The following KMT2C variants were observed in gnomAD, a reference collection of about 807,000 sequenced individuals.
The protein encoded by KMT2C is histone-lysine N-methyltransferase 2C.
KMT2C carries 88 observed loss-of-function variants against 507.9 expected under a neutral mutation model. The observed-to-expected ratio is 0.17, with a 90% CI of 0.15 to 0.21. The LOEUF is 0.21. KMT2C is among the 10% of genes least tolerant of loss of function. The pLI is 1.00. For missense variants in KMT2C, 4,954 were observed against 5,957.8 expected, an observed-to-expected ratio of 0.83 and a Z score of 5.55; for synonymous variants, 2,049 against 2,080.8, an observed-to-expected ratio of 0.98 and a Z score of 0.42.
intron 1 of KMT2C, chr7:152,368,180 G>C (rs2097262815): frequency 2.2e-6 from 2 of 899,136 alleles, no homozygotes. Context: ...GTTGAAAATG[G>C]TGAACATTGT....
rs2129104497 is a variant in KMT2C at position 152,163,474 on chromosome 7, C to T, written c.10103G>A (p.Gly3368Glu). The change falls in exon 43 of 59, where the codon GGG (glycine) becomes GAG (glutamate). Residue 3368 changes from glycine (G) to glutamate (E), a missense_variant. Transcript: ENST00000262189. Reference protein sequence around the residue: ...LPIKTCTPAPGTVSNANPQSG... With the variant: ...LPIKTCTPAPETVSNANPQSG... Reference sequence around the variant, plus strand: ...CTGTGGATTTGCATTTGAGACTGTCCCTGGGGCTGGTGTACAAGTTTTTAT... The same window carrying T: ...CTGTGGATTTGCATTTGAGACTGTCTCTGGGGCTGGTGTACAAGTTTTTAT... 6.2e-7 allele frequency: 1 copy of T among 1,614,090 alleles called. No homozygotes were observed.
intron 6 of KMT2C, among the ~76,000 whole-genome samples, chr7:152,301,675 G>A (rs2096570172): frequency 6.6e-6 from 1 of 152,088 alleles, no homozygotes; most frequent in African/African-American, 2.4e-5. Context: ...CAACTGAGAT[G>A]CTATCTCTTA....
At chr7:152,364,700 TC>T (rs2097224930) in intron 1 of KMT2C, among the ~76,000 whole-genome samples, 1 of 151,146 alleles carries the variant, frequency 6.6e-6, no homozygotes, top group Non-Finnish European at 1.5e-5. Flanking sequence ...AAGATCATTA[TC>T]CCTAAAGACA....
At chr7:152,210,062 G>C (rs2094418053) in intron 23 of KMT2C, among the ~76,000 whole-genome samples, 1 of 152,096 alleles carries the variant, frequency 6.6e-6, no homozygotes, top group South Asian at 2.1e-4. Flanking sequence ...CTGAAAATAG[G>C]ACCAAGAAAA....
chr7:152,166,747 G>T (rs1009320298), intron 42 of KMT2C, among the ~76,000 whole-genome samples: 5 of 151,944 alleles, frequency 3.3e-5, no homozygotes, highest in African/African-American at 4.8e-5. Context: ...ACTAAACCCA[G>T]TATCTCCCCA....
chr7:152,212,158 T>C (rs187369895), intron 23 of KMT2C, among the ~76,000 whole-genome samples: 1 of 152,176 alleles, frequency 6.6e-6, no homozygotes, highest in Non-Finnish European at 1.5e-5. Context: ...CTCCCATATA[T>C]ACATACTTGT....
rs534592021 is a variant in KMT2C at position 152,252,652 on chromosome 7, T to C, written c.1363A>G (p.Ile455Val). ...SSSQWHHNCL[I>V]CDNCYQQQDN... Reference sequence around the variant, plus strand: ...TGCTGTTGGTAACAATTGTCACATATCAGGCAATTGTGGTGCCACTGAGAA... The same window carrying C: ...TGCTGTTGGTAACAATTGTCACATACCAGGCAATTGTGGTGCCACTGAGAA... Residue 455 changes from isoleucine (I) to valine (V), a missense_variant, in exon 10 of 59, where the codon ATA (isoleucine) becomes GTA (valine). Physicochemically the swap from Ile to Val is conservative, Grantham distance 29 (BLOSUM62 3). This residue lies in a region of KMT2C where 376 missense variants were observed against 352.4 expected (regional missense o/e 1.07). Coordinates refer to ENST00000262189, the MANE Select transcript of KMT2C (RefSeq NM_170606.3). 188 of 1,613,534 alleles carry C rather than the reference T, an allele frequency of 1.2e-4. 2 individuals carry two copies. In the South Asian group the frequency reaches 1.8e-3, roughly 16 times the overall value.
chr7:152,250,821 A>C, intron 12 of KMT2C, 32 bp downstream of exon 12: 1 of 1,190,760 alleles, frequency 8.4e-7, no homozygotes, highest in Non-Finnish European at 1.2e-6. Context: ...CATTTTCTTC[A>C]AAAACAGAGT....
chr7:152,428,458 CAAA>C (rs140697569), intron 1 of KMT2C, among the ~76,000 whole-genome samples: 26,539 of 73,534 alleles, frequency 0.36, 2,537 homozygotes, highest in Middle Eastern at 0.39. Context: ...ACTAAAAATA[CAAA>C]AAAAAAAAAA....
rs1440657467 is a variant in KMT2C at position 152,135,473 on chromosome 7, T to A, written c.*1359A>T. On this transcript the variant is annotated 3_prime_UTR_variant, in exon 59 of 59. Coordinates refer to ENST00000262189, the MANE Select transcript of KMT2C (RefSeq NM_170606.3). ...AAAATTACATCTTCCAAAAACCCTA[T>A]TGCCAGAGTCCTGCAGCTGTAAGCA... 4.5e-6 allele frequency: 1 copy of A among 222,204 alleles called. No individual in the cohort carries two copies. The highest frequency in any genetic ancestry group is 5.7e-5 in the Admixed American group (1 of 17,438). The allele number at this position is 222,204 out of a possible 1,614,324, so 13.8% of individuals were successfully genotyped here. A position where few individuals can be genotyped will look rare whatever the true frequency, so the allele number is the denominator to read the frequency against.
At position 152,176,524 on chromosome 7, in the gene KMT2C, A is replaced by G. The variant is rs2093218210; in HGVS notation, c.8929T>C (p.Ser2977Pro). 1 of 1,614,180 alleles carries G rather than the reference A, an allele frequency of 6.2e-7. No homozygotes were observed. Among genetic ancestry groups the G allele is most frequent in the Non-Finnish European group, 8.5e-7 (1 of 1,180,028 alleles). The change falls in exon 38 of 59, where the codon TCT becomes CCT. Residue 2977 changes from serine to proline, a missense_variant. Transcript: ENST00000262189. ...TGAGAAAAAACATGGTTTACCCTAG[A>G]GACTACTGTCACATTAGAATTCATG... ...NAMNSNVTVV[S>P]RVNHVFSQGV...
At chr7:152,244,138 G>C (rs1179131602) in intron 14 of KMT2C, among the ~76,000 whole-genome samples, 1 of 152,094 alleles carries the variant, frequency 6.6e-6, no homozygotes, top group Non-Finnish European at 1.5e-5. Flanking sequence ...CATTTTTAAA[G>C]AGCATTCCTT....
At chr7:152,431,665 C>T (rs1025190531) in intron 1 of KMT2C, among the ~76,000 whole-genome samples, 13 of 150,514 alleles carry the variant, frequency 8.6e-5, no homozygotes, top group African/African-American at 3.2e-4. Flanking sequence ...TCAGGTTAAA[C>T]AACAACCTCC....
chr7:152,326,506 TTTG>T (rs1233084194), intron 3 of KMT2C, among the ~76,000 whole-genome samples: 5 of 152,300 alleles, frequency 3.3e-5, no homozygotes, highest in African/African-American at 1.2e-4. Flanking sequence ...GCATTTTGAT[TTTG>T]TTATCTAGTA....
chr7:152,179,328 AG>A (rs1224363956), intron 37 of KMT2C, among the ~76,000 whole-genome samples: 2 of 152,236 alleles, frequency 1.3e-5, no homozygotes, highest in African/African-American at 4.8e-5. Context: ...GTTAAAAGGT[AG>A]AAATTTGGAG....
Position 152,163,352 on chromosome 7 carries a change from C to G in KMT2C, c.10225G>C (p.Glu3409Gln). ...ERKERLREQQ[E>Q]RQRIQLMQEV... is the part of the protein sequence containing the mutation. Reference sequence around the variant, plus strand: ...TGCATGAGTTGGATCCGTTGTCTCTCTTGCTGTTCTCGTAAACGTTCCTTA... The same window carrying G: ...TGCATGAGTTGGATCCGTTGTCTCTGTTGCTGTTCTCGTAAACGTTCCTTA... Residue 3409 changes from glutamate to glutamine, a missense_variant, in exon 43 of 59, where the codon GAG becomes CAG. Glu to Gln is a conservative substitution (Grantham distance 29). Coordinates refer to ENST00000262189, the MANE Select transcript of KMT2C (RefSeq NM_170606.3). The G allele has an allele frequency of 6.2e-7, 1 of 1,614,210 alleles. No individual in the cohort carries two copies. The highest frequency in any genetic ancestry group is 8.5e-7 in the Non-Finnish European group (1 of 1,180,038).
intron 7 of KMT2C, 124 bp from the exon 8 acceptor site, chr7:152,265,333 T>C (rs2095844607): frequency 6.9e-7 from 1 of 1,448,638 alleles, no homozygotes. Flanking sequence ...TTATTCACAT[T>C]GAATTGTCAT....
Position 152,362,201 on chromosome 7 carries a change from T to G in KMT2C, c.162-3526A>C, listed in dbSNP as rs571968806. On this transcript the variant is annotated intron_variant, in intron 1 of 58. Coordinates refer to ENST00000262189, the MANE Select transcript of KMT2C (RefSeq NM_170606.3). ...AAAATAAAATTTTGTAAGGAGCCAC[T>G]TTAGCACAGAACTGAAGATGAAGCA... Among the ~76,000 whole-genome samples, 72 of 152,316 alleles carry G rather than the reference T, an allele frequency of 4.7e-4. 1 individual carries two copies. The highest frequency in any genetic ancestry group is 1.7e-3 in the African/African-American group (71 of 41,564).
chr7:152,374,251 G>T (rs1462480973), intron 1 of KMT2C, among the ~76,000 whole-genome samples: 1 of 152,002 alleles, frequency 6.6e-6, no homozygotes, highest in Non-Finnish European at 1.5e-5. Flanking sequence ...GGCAGGTGGA[G>T]GTTGCAGTGA....
Sources: gnomAD v4.1 joint callset for allele counts (sites outside exome capture counted in the v4.1 genomes callset) on GRCh38, gnomAD v4.1.1 for gene constraint, gnomAD v4.1.1 regional missense constraint, MANE v1.5 for transcripts, NCBI Gene and HGNC (gene_info 2026-07-23, HGNC 2026-07-21) for gene names.